The following FXN variants were observed in gnomAD, a reference collection of about 807,000 sequenced individuals.
The protein encoded by FXN is frataxin, mitochondrial.
A neutral mutation model predicts 22.4 loss-of-function variants in FXN; 14 were observed. That is an observed-to-expected ratio of 0.62 (90% confidence interval 0.41 to 0.98). The LOEUF (loss-of-function observed/expected upper bound fraction) is 0.98. Ranked by LOEUF, FXN falls within the 50% of genes least tolerant of loss-of-function variation. The pLI, the probability that FXN is intolerant of heterozygous loss-of-function variation, is 0.00. For missense variants in FXN, 267 were observed against 268.4 expected (o/e 0.99, Z 0.04); for synonymous variants, 120 against 114.1 (o/e 1.05, Z -0.33).
At chr9:69,047,336 GACACACACACACAGACACAC>G (rs1194551640) in intron 2 of FXN, among the ~76,000 whole-genome samples, 8 of 146,658 alleles carry the variant, frequency 5.5e-5, no homozygotes, top group Admixed American at 2.1e-4. Flanking sequence ...CACAGACACA[GACACACACACACAGACACAC>G]ACACACACAC....
At chr9:69,038,805 G>A (rs1262120146) in intron 1 of FXN, among the ~76,000 whole-genome samples, 2 of 152,148 alleles carry the variant, frequency 1.3e-5, no homozygotes, top group Admixed American at 1.3e-4. Flanking sequence ...AAAAAAATCA[G>A]TAATAAGATA....
At position 69,075,023 on chromosome 9, in the gene FXN, A is replaced by G. The variant is rs1832341367; in HGVS notation, c.*2261A>G. On this transcript the variant is annotated 3_prime_UTR_variant, in exon 5 of 5. Transcript: ENST00000484259. ...AGGTATGCAGTGGGGCTGCTCTGAC[A>G]TGAAAGTGGAAGTTAAGGAATCTGG... The G allele has an allele frequency of 3.0e-6, 3 of 985,460 alleles. No homozygotes were observed. The highest frequency in any genetic ancestry group is 9.4e-5 in the South Asian group (2 of 21,286). 61.0% of individuals were successfully genotyped at this position (985,460 alleles called of 1,614,324 possible).
At chr9:69,035,997 C>A (rs1274075676) in intron 1 of FXN, 50 bp downstream of exon 1, 2 of 1,307,482 alleles carry the variant, frequency 1.5e-6, no homozygotes, top group Non-Finnish European at 1.9e-6. Context: ...GCGGGCCGCA[C>A]GCCGCACGCC....
intron 4 of FXN, among the ~76,000 whole-genome samples, chr9:69,068,331 C>G (rs560766697): frequency 1.3e-5 from 2 of 152,348 alleles, no homozygotes; most frequent in East Asian, 1.9e-4. Context: ...ACAGCAAAAT[C>G]AGGGACACAA....
In FXN at chr9:69,035,935, GC is replaced by G. The variant is rs141935559; in HGVS notation, c.157del (p.Arg53AlafsTer23). ...LRTDIDATCT[P>X]RRASSNQRGL... ...GCACCGACATCGATGCGACCTGCAC[GC>G]CCCGCCGCGCAGTAAGTATCCGCGC... On this transcript the variant is annotated frameshift_variant, in exon 1 of 5. Coordinates refer to ENST00000484259, the MANE Select transcript of FXN (RefSeq NM_000144.5). LOFTEE classifies it high-confidence loss of function. 1 of 1,460,574 alleles carries G rather than the reference GC, an allele frequency of 6.8e-7. No homozygotes were observed. The highest frequency in any genetic ancestry group is 9.0e-7 in the Non-Finnish European group (1 of 1,111,028). 90.5% of individuals were successfully genotyped at this position (1,460,574 alleles called of 1,614,324 possible). A position where few individuals can be genotyped will look rare whatever the true frequency, so the allele number is the denominator to read the frequency against.
intron 1 of FXN, among the ~76,000 whole-genome samples, chr9:69,044,328 G>C (rs1274248399): frequency 6.6e-6 from 1 of 152,176 alleles, no homozygotes; most frequent in Admixed American, 6.5e-5. Flanking sequence ...ATGTGCGATA[G>C]CTCTAACAGT....
At position 69,064,972 on chromosome 9, in the gene FXN, T is replaced by C; in HGVS notation, c.419T>C (p.Leu140Pro). ...GVLTVKLGGD[L>P]GTYVINKQTP... ...TTAACTGTCAAACTGGGTGGAGATCTAGGAACCTATGTGATCAACAAGCAG... is the reference window on the plus strand; with the variant it reads ...TTAACTGTCAAACTGGGTGGAGATCCAGGAACCTATGTGATCAACAAGCAG... The change falls in exon 4 of 5, where the codon CTA becomes CCA. Residue 140 changes from leucine (L) to proline (P), a missense_variant. Leu to Pro is a moderately conservative substitution (Grantham distance 98). Coordinates refer to ENST00000484259, the MANE Select transcript of FXN (RefSeq NM_000144.5). 1 of 1,614,076 alleles carries C rather than the reference T, an allele frequency of 6.2e-7. No homozygotes were observed. Among genetic ancestry groups the C allele is most frequent in the Non-Finnish European group, 8.5e-7 (1 of 1,179,912 alleles).
chr9:69,078,386 G>T lies in FXN; in HGVS notation c.*5624G>T. On this transcript the variant is annotated 3_prime_UTR_variant, in exon 5 of 5. Transcript: ENST00000484259. ...TGCCCTCTCCTGCCCGTCCCCAGTG[G>T]AGGTCCTCATCATTTTTCACCTGCA... The T allele has an allele frequency of 2.0e-6, 2 of 985,404 alleles. No homozygotes were observed. Among genetic ancestry groups the T allele is most frequent in the Non-Finnish European group, 2.4e-6 (2 of 829,966 alleles). 61.0% of individuals were successfully genotyped at this position (985,404 alleles called of 1,614,324 possible). A position where few individuals can be genotyped will look rare whatever the true frequency, so the allele number is the denominator to read the frequency against.
At position 69,065,190 on chromosome 9, in the gene FXN, C is replaced by G. The variant is rs1832147611; in HGVS notation, c.482+155C>G. On this transcript the variant is annotated intron_variant, in intron 4 of 4. Coordinates refer to ENST00000484259, the MANE Select transcript of FXN (RefSeq NM_000144.5). ...CTGAGGTAGGAGGATCACTTGAGGA[C>G]AGGAGTTCAGAACCATCCTGGGCAA... 3 of 690,476 alleles carry G rather than the reference C, an allele frequency of 4.3e-6. No homozygotes were observed. In the Admixed American group the frequency reaches 6.1e-5, roughly 14 times the overall value. 42.8% of individuals were successfully genotyped at this position (690,476 alleles called of 1,614,324 possible).
intron 1 of FXN, among the ~76,000 whole-genome samples, chr9:69,039,039 G>A (rs4744786): frequency 0.32 from 49,128 of 151,756 alleles, 8,223 homozygotes; most frequent in East Asian, 0.49. Context: ...GATCACCTGA[G>A]GTCAGGAGTT....
At chr9:69,046,336 T>TTA in intron 1 of FXN, 49 bp from the exon 2 acceptor site, 1 of 1,367,774 alleles carries the variant, frequency 7.3e-7, no homozygotes, top group Non-Finnish European at 1.0e-6. Flanking sequence ...CATTAATGGG[T>TTA]TATAATTCAC....
chr9:69,056,974 C>T (rs1391784127), intron 3 of FXN, among the ~76,000 whole-genome samples: 1 of 139,176 alleles, frequency 7.2e-6, no homozygotes, highest in Non-Finnish European at 1.7e-5. Context: ...GAACTCCTGA[C>T]CTCAGGTAAT....
At chr9:69,072,511 G>C (rs761546241) in intron 4 of FXN, 101 bp from the exon 5 acceptor site, 201 of 1,603,050 alleles carry the variant, frequency 1.3e-4, no homozygotes, top group Middle Eastern at 6.7e-4. Context: ...ATTTTCTAGA[G>C]CTTTACTCCA....
rs773400184 is a variant in FXN at position 69,077,419 on chromosome 9, T to C, written c.*4657T>C. ...AATGGAAGGCACCAGAACAGATTTA[T>C]TGAAATGTTTATTAGCTGAAGATTT... is the stretch of plus-strand genomic sequence containing the variant. On this transcript the variant is annotated 3_prime_UTR_variant, in exon 5 of 5. Coordinates refer to ENST00000484259, the MANE Select transcript of FXN (RefSeq NM_000144.5). 320 of 985,314 alleles carry C rather than the reference T, an allele frequency of 3.2e-4. No homozygotes were observed. Among genetic ancestry groups the C allele is most frequent in the Admixed American group, 1.5e-3 (25 of 16,264 alleles). 61.0% of individuals were successfully genotyped at this position (985,314 alleles called of 1,614,324 possible). A position where few individuals can be genotyped will look rare whatever the true frequency, so the allele number is the denominator to read the frequency against.
chr9:69,074,706 C>T lies in FXN; in HGVS notation c.*1944C>T. 1 of 943,440 alleles carries T rather than the reference C, an allele frequency of 1.1e-6. No homozygotes were observed. The allele number at this position is 943,440 out of a possible 1,614,324, so 58.4% of individuals were successfully genotyped here. Reference sequence around the variant, plus strand: ...CTTGAAGCCAGGAATTGGAGATCAGCCTGGGCAACACAGCAAGATCCTATC... The same window carrying T: ...CTTGAAGCCAGGAATTGGAGATCAGTCTGGGCAACACAGCAAGATCCTATC... On this transcript the variant is annotated 3_prime_UTR_variant, in exon 5 of 5. Coordinates refer to ENST00000484259, the MANE Select transcript of FXN (RefSeq NM_000144.5).
intron 4 of FXN, among the ~76,000 whole-genome samples, chr9:69,069,050 A>G (rs1832224018): frequency 6.6e-6 from 1 of 152,232 alleles, no homozygotes; most frequent in Admixed American, 6.5e-5. Flanking sequence ...AAATTGCGAG[A>G]CAGAAGCAAT....
intron 3 of FXN, among the ~76,000 whole-genome samples, chr9:69,053,784 T>C (rs911805496): frequency 2.0e-5 from 3 of 152,130 alleles, no homozygotes; most frequent in African/African-American, 7.2e-5. Context: ...CCAAAAGTTA[T>C]TTAGATTACA....
chr9:69,074,710 G>A lies in FXN; in HGVS notation c.*1948G>A. 1.1e-6 allele frequency: 1 copy of A among 937,136 alleles called. No homozygotes were observed. Among genetic ancestry groups the A allele is most frequent in the Non-Finnish European group, 1.3e-6 (1 of 786,962 alleles). 58.1% of individuals were successfully genotyped at this position (937,136 alleles called of 1,614,324 possible). A position where few individuals can be genotyped will look rare whatever the true frequency, so the allele number is the denominator to read the frequency against. ...AAGCCAGGAATTGGAGATCAGCCTG[G>A]GCAACACAGCAAGATCCTATCTCTT... On this transcript the variant is annotated 3_prime_UTR_variant, in exon 5 of 5. Transcript: ENST00000484259.
intron 4 of FXN, among the ~76,000 whole-genome samples, 182 bp from the exon 5 acceptor site, chr9:69,072,430 G>C (rs977683194): frequency 6.6e-5 from 10 of 152,156 alleles, no homozygotes; most frequent in African/African-American, 2.2e-4. Context: ...AATTGTTCCA[G>C]AAGATATATC....
Sources: allele counts gnomAD v4.1 joint callset (sites outside exome capture counted in the v4.1 genomes callset), GRCh38; gene constraint gnomAD v4.1.1; transcripts MANE v1.5; gene names NCBI Gene and HGNC (gene_info 2026-07-23, HGNC 2026-07-21).